Variants in GRM3 observed in about 807,000 individuals in gnomAD.
GRM3 encodes glutamate metabotropic receptor 3.
GRM3 carries 26 observed loss-of-function variants against 70.5 expected under a neutral mutation model. That is an observed-to-expected ratio of 0.37 (90% CI 0.27 to 0.51). GRM3 has a LOEUF of 0.51. Among genes scored for constraint, GRM3 ranks in the 20% least tolerant of loss-of-function variants. The pLI is 0.93. For synonymous variants in GRM3, 443 were observed against 434.9 expected (o/e 1.02, Z -0.23); for missense variants, 859 against 1,123.8 (o/e 0.76, Z 3.37).
At chr7:86,773,931 CA>C (rs1187427446) in intron 2 of GRM3, among the ~76,000 whole-genome samples, 1 of 152,098 alleles carries the variant, frequency 6.6e-6, no homozygotes, top group African/African-American at 2.4e-5. Flanking sequence ...CCACTGTTCA[CA>C]AGGCAATAGG....
At chr7:86,669,231 A>C (rs1794109254) in intron 1 of GRM3, among the ~76,000 whole-genome samples, 1 of 152,158 alleles carries the variant, frequency 6.6e-6, no homozygotes, top group Admixed American at 6.6e-5. Flanking sequence ...ACCCCACTCC[A>C]ATTAAATCAG....
intron 2 of GRM3, among the ~76,000 whole-genome samples, chr7:86,770,923 G>A (rs1796723243): frequency 2.0e-5 from 3 of 152,064 alleles, no homozygotes; most frequent in African/African-American, 7.2e-5. Flanking sequence ...TACATGGTAA[G>A]ATGTTTGGTA....
intron 3 of GRM3, among the ~76,000 whole-genome samples, chr7:86,787,455 C>A (rs1204834543): frequency 6.6e-6 from 1 of 152,124 alleles, no homozygotes; most frequent in Non-Finnish European, 1.5e-5. Context: ...GGCACTTAAT[C>A]TTCTTTAGCA....
At chr7:86,791,749 C>CT (rs370226565) in intron 3 of GRM3, among the ~76,000 whole-genome samples, 1 of 152,098 alleles carries the variant, frequency 6.6e-6, no homozygotes, top group Non-Finnish European at 1.5e-5. Flanking sequence ...AGTATGTTTC[C>CT]TTTTTTTATT....
intron 4 of GRM3, among the ~76,000 whole-genome samples, chr7:86,846,262 C>T (rs948276971): frequency 1.3e-5 from 2 of 152,170 alleles, no homozygotes; most frequent in Non-Finnish European, 2.9e-5. Flanking sequence ...TGACTGTCAT[C>T]TTGGAATGAA....
At chr7:86,837,227 A>G (rs1356684503) in intron 3 of GRM3, among the ~76,000 whole-genome samples, 1 of 152,174 alleles carries the variant, frequency 6.6e-6, no homozygotes, top group African/African-American at 2.4e-5. Context: ...TAGACAAGAG[A>G]GGGCTATTTT....
At chr7:86,816,586 C>T (rs1354535050) in intron 3 of GRM3, among the ~76,000 whole-genome samples, 9 of 151,868 alleles carry the variant, frequency 5.9e-5, no homozygotes, top group Non-Finnish European at 8.8e-5. Context: ...AGCATAATTG[C>T]CTCCACCTCC....
Position 86,765,275 on chromosome 7 carries a change from C to T in GRM3, c.130C>T (p.Leu44=), listed in dbSNP as rs369915149. Residue 44 remains leucine, a synonymous_variant, in exon 2 of 6, where the codon CTG becomes TTG. Transcript: ENST00000361669. The stretch of plus-strand genomic sequence containing the variant: ...AGAAGGTGACCTTGTTTTAGGGGGC[C>T]TGTTTCCTATTAACGAAAAAGGCAC... ...KIEGDLVLGG[L]FPINEKGTGT... 14 of 1,613,796 alleles carry T rather than the reference C, an allele frequency of 8.7e-6. No homozygotes were observed. The highest frequency in any genetic ancestry group is 1.2e-5 in the Non-Finnish European group (14 of 1,179,826).
At chr7:86,723,302 AAAGG>A (rs1178409190) in intron 1 of GRM3, among the ~76,000 whole-genome samples, 27 of 152,248 alleles carry the variant, frequency 1.8e-4, no homozygotes, top group African/African-American at 5.8e-4. Flanking sequence ...ACCTGTGAGA[AAAGG>A]TAACAGAAAT....
chr7:86,802,382 A>G (rs1386070410), intron 3 of GRM3, among the ~76,000 whole-genome samples: 1 of 152,176 alleles, frequency 6.6e-6, no homozygotes, highest in Admixed American at 6.5e-5. Context: ...TCACAGTAAT[A>G]ATAAAATATT....
chr7:86,832,299 G>A (rs1798368783), intron 3 of GRM3, among the ~76,000 whole-genome samples: 1 of 139,416 alleles, frequency 7.2e-6, no homozygotes, highest in Non-Finnish European at 1.5e-5. Flanking sequence ...TGCCCAGGCT[G>A]GAGTGCAATG....
Position 86,648,025 on chromosome 7 carries a change from G to A in GRM3, c.-141+3153G>A, listed in dbSNP as rs116674180. 9.8e-3 allele frequency among the ~76,000 whole-genome samples: 1,493 copies of A among 152,274 alleles called. 18 individuals carry two copies. The highest frequency in any genetic ancestry group is 0.034 in the African/African-American group (1,429 of 41,534). Reference sequence around the variant, plus strand: ...TTCCTATTATAAACCTTCTGGACTAGTTCATCCTCTTGTCTGATTCAGATT... The same window carrying A: ...TTCCTATTATAAACCTTCTGGACTAATTCATCCTCTTGTCTGATTCAGATT... On this transcript the variant is annotated intron_variant, in intron 1 of 5. Coordinates refer to ENST00000361669, the MANE Select transcript of GRM3 (RefSeq NM_000840.3).
chr7:86,781,336 G>A (rs972886502), intron 2 of GRM3, among the ~76,000 whole-genome samples: 10 of 152,138 alleles, frequency 6.6e-5, no homozygotes, highest in African/African-American at 2.4e-4. Context: ...GAGGAATTCT[G>A]AATTGGAATC....
chr7:86,760,050 C>T (rs1307765403), intron 1 of GRM3, among the ~76,000 whole-genome samples: 2 of 152,038 alleles, frequency 1.3e-5, no homozygotes, highest in Non-Finnish European at 2.9e-5. Context: ...AACTTTGTTC[C>T]AGATTGATTG....
chr7:86,837,454 G>A (rs924432898), intron 3 of GRM3, among the ~76,000 whole-genome samples: 4 of 152,152 alleles, frequency 2.6e-5, no homozygotes, highest in Non-Finnish European at 4.4e-5. Context: ...ACACTGCAGC[G>A]TCCTCTAAAT....
At chr7:86,704,537 A>G (rs1352155518) in intron 1 of GRM3, among the ~76,000 whole-genome samples, 2 of 151,920 alleles carry the variant, frequency 1.3e-5, no homozygotes, top group African/African-American at 2.4e-5. Flanking sequence ...AACACACCAC[A>G]GACAACATCA....
intron 1 of GRM3, among the ~76,000 whole-genome samples, chr7:86,746,247 G>A (rs1030027675): frequency 2.0e-5 from 3 of 148,798 alleles, no homozygotes; most frequent in African/African-American, 7.4e-5. Flanking sequence ...GATGGGTAAT[G>A]GAAAAGTCAG....
At chr7:86,721,541 G>A (rs1795462543) in intron 1 of GRM3, among the ~76,000 whole-genome samples, 1 of 151,970 alleles carries the variant, frequency 6.6e-6, no homozygotes, top group Admixed American at 6.6e-5. Context: ...TCAGATCTTA[G>A]GCCACTGGAT....
At chr7:86,679,071 C>T (rs903569889) in intron 1 of GRM3, among the ~76,000 whole-genome samples, 1 of 151,916 alleles carries the variant, frequency 6.6e-6, no homozygotes, top group Non-Finnish European at 1.5e-5. Context: ...ATGGCCGTAT[C>T]GTATTGATTA....
Sources: gnomAD v4.1 joint callset for allele counts (sites outside exome capture counted in the v4.1 genomes callset) on GRCh38, gnomAD v4.1.1 for gene constraint, MANE v1.5 for transcripts, NCBI Gene and HGNC (gene_info 2026-07-23, HGNC 2026-07-21) for gene names.